Variants in ADCY1 observed in about 807,000 individuals in gnomAD.
ADCY1 encodes adenylate cyclase 1, also known as adenylate cyclase type 1.
Under a neutral mutation model 105.4 loss-of-function variants are expected in ADCY1, and 28 were observed. That is an observed-to-expected ratio of 0.27 (90% CI 0.20 to 0.36). The LOEUF is 0.36. ADCY1 is among the 10% of genes least tolerant of loss of function. The probability of loss-of-function intolerance (pLI) is 1.00; values close to 1 mark genes in which losing one functional copy is unlikely to be tolerated. For missense variants in ADCY1, 977 were observed against 1,434.2 expected, an observed-to-expected ratio of 0.68 and a Z score of 5.15; for synonymous variants, 655 against 623.8, an observed-to-expected ratio of 1.05 and a Z score of -0.75.
At chr7:45,698,192 C>T (rs1784924199) in intron 14 of ADCY1, among the ~76,000 whole-genome samples, 1 of 152,066 alleles carries the variant, frequency 6.6e-6, no homozygotes, top group African/African-American at 2.4e-5. Context: ...CACACACATA[C>T]ACCACTTATG....
At chr7:45,664,081 G>A (rs1324208762) in intron 8 of ADCY1, among the ~76,000 whole-genome samples, 2 of 152,202 alleles carry the variant, frequency 1.3e-5, no homozygotes, top group Non-Finnish European at 2.9e-5. Context: ...AGGCCTAGGT[G>A]ATCAGGCCTC....
At chr7:45,681,446 G>T (rs569085932) in intron 11 of ADCY1, among the ~76,000 whole-genome samples, 23 of 152,280 alleles carry the variant, frequency 1.5e-4, no homozygotes, top group Admixed American at 5.2e-4. Context: ...AGCATAGAGC[G>T]TTTTTTCCTA....
chr7:45,617,110 T>A (rs1793758761), intron 3 of ADCY1, among the ~76,000 whole-genome samples: 1 of 152,236 alleles, frequency 6.6e-6, no homozygotes, highest in Non-Finnish European at 1.5e-5. Flanking sequence ...TGCCATTTTT[T>A]AAATCCTAGC....
intron 4 of ADCY1, among the ~76,000 whole-genome samples, chr7:45,644,790 A>G (rs767208764): frequency 5.3e-5 from 8 of 152,194 alleles, no homozygotes; most frequent in Non-Finnish European, 1.2e-4. Context: ...CACTAAAACC[A>G]ATTAGAAATA....
rs1460902790 is a variant in ADCY1, at chr7:45,717,186, G to C, written c.*3191G>C. The C allele has an allele frequency of 6.6e-6, 1 of 152,224 alleles. No individual in the cohort carries two copies. The highest frequency in any genetic ancestry group is 1.5e-5 in the Non-Finnish European group (1 of 68,074). 9.4% of individuals were successfully genotyped at this position (152,224 alleles called of 1,614,324 possible). ...GAAGCTGCCCAAGGTGTGGCCACTT[G>C]TAGGGCAGTGAGAGGAAGCCGTCGC... On this transcript the variant is annotated 3_prime_UTR_variant, in exon 20 of 20. Transcript: ENST00000297323.
In ADCY1 at chr7:45,677,936, A is replaced by G. The variant is rs1335223928; in HGVS notation, c.1673A>G (p.Tyr558Cys). Residue 558 changes from tyrosine (Y) to cysteine (C), a missense_variant, in exon 9 of 20, where the codon TAC becomes TGC. By Grantham distance (194) the Tyr-to-Cys change is radical. Around this residue, in one of 7 missense-constraint regions of ADCY1, gnomAD observed 275 missense variants for 362.1 expected, o/e 0.76. Coordinates refer to ENST00000297323, the MANE Select transcript of ADCY1 (RefSeq NM_021116.4). ...TCATCTTTTTCTACCAACGTTGTCTACACCACCCCGGGCACTCGCGTCAAC... is the reference window on the plus strand; with the variant it reads ...TCATCTTTTTCTACCAACGTTGTCTGCACCACCCCGGGCACTCGCGTCAAC... The part of the protein sequence containing the change: ...NRSSFSTNVV[Y>C]TTPGTRVNRY... The G allele has an allele frequency of 2.5e-6, 4 of 1,614,164 alleles. No homozygotes were observed. In the South Asian group the frequency reaches 3.3e-5, roughly 13 times the overall value.
At chr7:45,697,999 C>T (rs74376964) in intron 14 of ADCY1, among the ~76,000 whole-genome samples, 2 of 152,218 alleles carry the variant, frequency 1.3e-5, no homozygotes, top group Admixed American at 1.3e-4. Context: ...TATGACATCA[C>T]CACAGCCTCA....
At chr7:45,687,249 C>A (rs562721174) in intron 14 of ADCY1, among the ~76,000 whole-genome samples, 1 of 152,210 alleles carries the variant, frequency 6.6e-6, no homozygotes, top group Non-Finnish European at 1.5e-5. Context: ...CATCTGGGTA[C>A]CAGGCTGGAG....
intron 2 of ADCY1, among the ~76,000 whole-genome samples, chr7:45,597,223 A>G (rs1793100729): frequency 6.6e-6 from 1 of 152,192 alleles, no homozygotes; most frequent in Non-Finnish European, 1.5e-5. Context: ...TGGGATGGGA[A>G]CTGATGGAAC....
At chr7:45,608,601 C>T (rs749856433) in intron 2 of ADCY1, among the ~76,000 whole-genome samples, 31 of 152,236 alleles carry the variant, frequency 2.0e-4, no homozygotes, top group Non-Finnish European at 3.8e-4. Flanking sequence ...GGGCCGTGTG[C>T]GGGAAGTCAG....
chr7:45,633,407 G>A (rs941868540), intron 4 of ADCY1, among the ~76,000 whole-genome samples: 7 of 152,150 alleles, frequency 4.6e-5, no homozygotes, highest in African/African-American at 1.7e-4. Flanking sequence ...GAACTGCGTA[G>A]CCTAGAAATA....
At chr7:45,641,216 G>A (rs1394883006) in intron 4 of ADCY1, among the ~76,000 whole-genome samples, 4 of 151,992 alleles carry the variant, frequency 2.6e-5, no homozygotes, top group Non-Finnish European at 4.4e-5. Context: ...GCTTGATTCC[G>A]AGGCCAGGAA....
At chr7:45,660,010 A>G (rs200521467) in intron 6 of ADCY1, 32 bp from the exon 7 acceptor site, 2 of 1,612,220 alleles carry the variant, frequency 1.2e-6, no homozygotes, top group South Asian at 2.2e-5. Context: ...GTGGTTCCCC[A>G]CTCATCTGGC....
chr7:45,705,215 T>C (rs1200432212), intron 17 of ADCY1, among the ~76,000 whole-genome samples: 6 of 152,106 alleles, frequency 3.9e-5, no homozygotes, highest in Non-Finnish European at 8.8e-5. Flanking sequence ...ACTTTCTAAC[T>C]CATTCTGTAG....
intron 3 of ADCY1, among the ~76,000 whole-genome samples, chr7:45,621,129 T>G (rs1363652971): frequency 6.6e-6 from 1 of 152,196 alleles, no homozygotes; most frequent in South Asian, 2.1e-4. Flanking sequence ...TGCAGTGGCA[T>G]GCTTCAGCTC....
At chr7:45,589,823 C>G (rs1205572145) in intron 1 of ADCY1, among the ~76,000 whole-genome samples, 1 of 151,898 alleles carries the variant, frequency 6.6e-6, no homozygotes, top group African/African-American at 2.4e-5. Flanking sequence ...GTGCCCAGCT[C>G]CTAGAGGAGT....
chr7:45,703,538 C>G lies in ADCY1; in HGVS notation c.2571+46C>G. 1 of 1,613,068 alleles carries G rather than the reference C, an allele frequency of 6.2e-7. No homozygotes were observed. The highest frequency in any genetic ancestry group is 8.5e-7 in the Non-Finnish European group (1 of 1,179,220). ...TGGCCAGCACTAGCCCTACACTGCT[C>G]TGGCCACCCCACTTGGCGCTCACCT... On this transcript the variant is annotated intron_variant, in intron 15 of 19. Transcript: ENST00000297323. The surrounding 1 kb of genome is among the most constrained non-coding windows in gnomAD (Gnocchi z 5.9).
chr7:45,706,184 T>C (rs1046842558), intron 17 of ADCY1, among the ~76,000 whole-genome samples: 3 of 152,130 alleles, frequency 2.0e-5, no homozygotes, highest in African/African-American at 7.2e-5. Context: ...TTCTGTGTCG[T>C]TGACAAAATG....
rs1785040358 is a variant in ADCY1 at position 45,703,473 on chromosome 7, T to C, written c.2552T>C (p.Met851Thr). 8 of 1,614,126 alleles carry C rather than the reference T, an allele frequency of 5.0e-6. No individual in the cohort carries two copies. The highest frequency in any genetic ancestry group is 6.8e-6 in the Non-Finnish European group (8 of 1,179,992). ...LPAHVAQHFL[M>T]SNPRNMDLYY... is the part of the protein sequence containing the mutation. ...GCCCACGTCGCCCAGCACTTCCTCA[T>C]GTCCAACCCTCGGAACATGGTGAGC... is the stretch of plus-strand genomic sequence containing the variant. The change falls in exon 15 of 20, where the codon ATG becomes ACG. Residue 851 changes from methionine (M) to threonine (T), a missense_variant. Physicochemically the swap from Met to Thr is moderately conservative, Grantham distance 81. Transcript: ENST00000297323. The surrounding 1 kb of genome is among the most constrained non-coding windows in gnomAD (Gnocchi z 5.9).
Sources: gnomAD v4.1 joint callset for allele counts (sites outside exome capture counted in the v4.1 genomes callset) on GRCh38, gnomAD v4.1.1 for gene constraint, gnomAD v4.1.1 regional missense constraint, Gnocchi (gnomAD v3.1) non-coding constraint, MANE v1.5 for transcripts, NCBI Gene and HGNC (gene_info 2026-07-23, HGNC 2026-07-21) for gene names.